Variants in EIF3B observed in about 807,000 individuals in gnomAD.
The protein encoded by EIF3B is eukaryotic translation initiation factor 3 subunit 9.
A neutral mutation model predicts 104.6 loss-of-function variants in EIF3B; 10 were observed. The ratio of observed to expected loss-of-function variants is 0.10; its 90% CI spans 0.06 to 0.16. The LOEUF is 0.16. Ranked by LOEUF, EIF3B falls within the 10% of genes least tolerant of loss-of-function variation. EIF3B has a pLI of 1.00. For synonymous variants in EIF3B, 542 were observed against 417.2 expected, an observed-to-expected ratio of 1.30 and a Z score of -3.65; for missense variants, 1,014 against 1,087.9, an observed-to-expected ratio of 0.93 and a Z score of 0.96.
intron 12 of EIF3B, chr7:2,374,327 C>CT (rs1308606054): frequency 1.0e-4 from 50 of 502,388 alleles, no homozygotes; most frequent in Admixed American, 1.9e-4. Context: ...GTCGCATCTT[C>CT]TTTTTTTTCC....
intron 14 of EIF3B, chr7:2,376,612 G>A: frequency 3.8e-6 from 1 of 260,818 alleles, no homozygotes; most frequent in Non-Finnish European, 7.4e-6. Context: ...TTGGCACAGG[G>A]TTCAGTCCAG....
At position 2,379,260 on chromosome 7, in the gene EIF3B, C is replaced by A. The variant is rs1213503917; in HGVS notation, c.2341+18C>A. The A allele has an allele frequency of 6.2e-7, 1 of 1,603,670 alleles. No homozygotes were observed. The highest frequency in any genetic ancestry group is 8.5e-7 in the Non-Finnish European group (1 of 1,173,722). On this transcript the variant is annotated intron_variant, in intron 17 of 18. Coordinates refer to ENST00000360876, the MANE Select transcript of EIF3B (RefSeq NM_001037283.2). ...GCGAGGAGGTAACTTAGAGATCCCTCAGTCCCCAGGAGCTGGCCCTTACGC... is the reference window on the plus strand; with the variant it reads ...GCGAGGAGGTAACTTAGAGATCCCTAAGTCCCCAGGAGCTGGCCCTTACGC...
intron 9 of EIF3B, among the ~76,000 whole-genome samples, chr7:2,367,467 A>G (rs966135162): frequency 6.6e-6 from 1 of 151,584 alleles, no homozygotes; most frequent in Non-Finnish European, 1.5e-5. Flanking sequence ...CTCCTTTAGC[A>G]CTCAGCTTTT....
At chr7:2,362,516 T>C in intron 2 of EIF3B, 129 bp from the exon 3 acceptor site, 3 of 1,187,564 alleles carry the variant, frequency 2.5e-6, no homozygotes, top group East Asian at 2.4e-5. Context: ...TGCCTTAGGC[T>C]CGAGGCAGGA....
At chr7:2,367,465 G>T (rs1780087184) in intron 9 of EIF3B, among the ~76,000 whole-genome samples, 1 of 151,870 alleles carries the variant, frequency 6.6e-6, no homozygotes, top group South Asian at 2.1e-4. Flanking sequence ...CTCTCCTTTA[G>T]CACTCAGCTT....
At chr7:2,374,859 G>A (rs1269654613) in intron 13 of EIF3B, 2 of 394,792 alleles carry the variant, frequency 5.1e-6, no homozygotes, top group Non-Finnish European at 9.1e-6. Flanking sequence ...ACCTGTCTGC[G>A]GGTTGTGGTT....
chr7:2,364,645 A>C (rs1779907124), intron 6 of EIF3B, 116 bp downstream of exon 6: 4 of 957,590 alleles, frequency 4.2e-6, no homozygotes, highest in Non-Finnish European at 1.6e-6. Context: ...GGGAGTATGC[A>C]GAACGCTAAT....
rs2115309208 is a variant in EIF3B, at chr7:2,367,435, T to A, written c.1403+390T>A. On this transcript the variant is annotated intron_variant, in intron 9 of 18. Transcript: ENST00000360876. ...GGACACAGACGTGGTCCATTGCAGT[T>A]GGTTTCCTTTATTTGCTGTCTCTCC... Among the ~76,000 whole-genome samples, 8 of 152,062 alleles carry A rather than the reference T, an allele frequency of 5.3e-5. 1 individual carries two copies. The South Asian group carries it at 1.7e-3, about 32-fold the overall frequency.
intron 8 of EIF3B, 146 bp downstream of exon 8, chr7:2,366,737 C>T: frequency 5.2e-6 from 5 of 964,384 alleles, no homozygotes; most frequent in Middle Eastern, 3.2e-4. Context: ...TTTTAACTGC[C>T]CCTGCTCTGG....
rs13307520 is a variant in EIF3B at position 2,378,271 on chromosome 7, G to C, written c.2155-418G>C. On this transcript the variant is annotated intron_variant, in intron 15 of 18. Coordinates refer to ENST00000360876, the MANE Select transcript of EIF3B (RefSeq NM_001037283.2). ...GCGAGCACTGCTGGGATGCTGTGTT[G>C]TGTGAATGACCCTCGGTGTCATGGA... The C allele has an allele frequency of 4.5e-4, 92 of 205,730 alleles. 1 individual carries two copies. The highest frequency in any genetic ancestry group is 5.0e-4 in the African/African-American group (20 of 39,980). 12.7% of individuals were successfully genotyped at this position (205,730 alleles called of 1,614,324 possible).
At chr7:2,359,544 C>T (rs12533700) in intron 1 of EIF3B, among the ~76,000 whole-genome samples, 70,666 of 152,038 alleles carry the variant, frequency 0.46, 17,530 homozygotes, top group East Asian at 0.74. Context: ...TCTGCCTTTT[C>T]GTCTATATCC....
intron 18 of EIF3B, chr7:2,379,878 C>A: frequency 3.4e-6 from 1 of 292,018 alleles, no homozygotes; most frequent in Non-Finnish European, 6.6e-6. Flanking sequence ...ACGGCTGTGA[C>A]TGTGGTTTCA....
In EIF3B at chr7:2,376,488, C is replaced by T. The variant is rs188036080; in HGVS notation, c.2029-462C>T. The T allele has an allele frequency of 1.6e-3, 241 of 153,250 alleles. 2 individuals are homozygous for T. Among genetic ancestry groups the T allele is most frequent in the Admixed American group, 2.7e-3 (41 of 15,330 alleles). The allele number at this position is 153,250 out of a possible 1,614,324, so 9.5% of individuals were successfully genotyped here. On this transcript the variant is annotated intron_variant, in intron 14 of 18. Transcript: ENST00000360876. ...TGAGAGAGGCCTGCCATGAGGAGAG[C>T]GGAACTAGGCGGCGTGTAGTGATGC...
rs1439806519 is a variant in EIF3B, at chr7:2,376,994, G to A, written c.2073G>A (p.Leu691=). 5 of 1,613,918 alleles carry A rather than the reference G, an allele frequency of 3.1e-6. No homozygotes were observed. Among genetic ancestry groups the A allele is most frequent in the Admixed American group, 1.7e-5 (1 of 60,020 alleles). The change falls in exon 15 of 19, where the codon CTG becomes CTA. Residue 691 remains leucine, a synonymous_variant. Coordinates refer to ENST00000360876, the MANE Select transcript of EIF3B (RefSeq NM_001037283.2). ...YWLWTFQGRL[L]QKNNKDRFCQ... is the part of the protein sequence containing the mutation. ...TGTGGACTTTCCAGGGACGCCTCCT[G>A]CAGAAGAACAACAAGGACCGCTTCT...
Position 2,366,456 on chromosome 7 carries a change from G to C in EIF3B, c.1289+8G>C. The C allele has an allele frequency of 1.9e-6, 3 of 1,613,982 alleles. No individual in the cohort carries two copies. The highest frequency in any genetic ancestry group is 1.7e-5 in the Admixed American group (1 of 59,990). ...CCATTGGCCTATTTTTAAGTAAGTG[G>C]ACCATTGTAACGAGCTCTGTAGCCT... On this transcript the variant is annotated splice_region_variant and intron_variant, in intron 7 of 18. Transcript: ENST00000360876.
intron 12 of EIF3B, chr7:2,373,763 A>G (rs1780485128): frequency 6.6e-6 from 1 of 152,196 alleles, no homozygotes; most frequent in Non-Finnish European, 1.5e-5. Context: ...ATGCTGCGTG[A>G]CACGCCTCTC....
chr7:2,374,856 T>G, intron 13 of EIF3B: 1 of 397,020 alleles, frequency 2.5e-6, no homozygotes, highest in East Asian at 3.8e-5. Context: ...CAGACCTGTC[T>G]GCGGGTTGTG....
intron 9 of EIF3B, among the ~76,000 whole-genome samples, chr7:2,368,154 C>G (rs973059168): frequency 1.3e-5 from 2 of 151,348 alleles, no homozygotes; most frequent in African/African-American, 2.4e-5. Context: ...ATTTTTAAAT[C>G]TTTTTTGAGA....
chr7:2,378,409 G>C (rs55979264), intron 15 of EIF3B: 22 of 302,112 alleles, frequency 7.3e-5, no homozygotes, highest in African/African-American at 6.0e-4. Flanking sequence ...GAATGACCCT[G>C]GGTGTCATGG....
Sources: gnomAD v4.1 joint callset for allele counts (sites outside exome capture counted in the v4.1 genomes callset) on GRCh38, gnomAD v4.1.1 for gene constraint, MANE v1.5 for transcripts, NCBI Gene and HGNC (gene_info 2026-07-23, HGNC 2026-07-21) for gene names.